Variants in PLEKHH1 observed in about 807,000 individuals in gnomAD.
PLEKHH1 encodes pleckstrin homology domain-containing family H member 1.
In PLEKHH1, 104 loss-of-function variants were observed where a neutral mutation model predicts 160.0. That is an observed-to-expected ratio of 0.65 (90% CI 0.55 to 0.76). The LOEUF is 0.76. Among genes scored for constraint, PLEKHH1 ranks in the 30% least tolerant of loss-of-function variants. PLEKHH1 has a pLI of 0.00. For synonymous variants in PLEKHH1, 619 were observed against 678.4 expected (o/e 0.91, Z 1.36); for missense variants, 1,427 against 1,724.1 (o/e 0.83, Z 3.05).
chr14:67,545,876 A>T (rs913247348), intron 2 of PLEKHH1, among the ~76,000 whole-genome samples: 2 of 152,104 alleles, frequency 1.3e-5, no homozygotes, highest in Non-Finnish European at 2.9e-5. Context: ...CTCATCCCAG[A>T]TCCGTGCTCA....
Position 67,578,694 on chromosome 14 carries a change from G to A in PLEKHH1, c.2849+63G>A. 9.5e-7 allele frequency: 1 copy of A among 1,057,212 alleles called. No homozygotes were observed. Among genetic ancestry groups the A allele is most frequent in the Non-Finnish European group, 1.4e-6 (1 of 695,334 alleles). 65.5% of individuals were successfully genotyped at this position (1,057,212 alleles called of 1,614,324 possible). A position where few individuals can be genotyped will look rare whatever the true frequency, so the allele number is the denominator to read the frequency against. ...CTGCCAACTGCCGCATGAATAAGAG[G>A]GATGAGAGGAGTCTAGGGCAGACCA... On this transcript the variant is annotated intron_variant, in intron 20 of 28. Coordinates refer to ENST00000329153, the MANE Select transcript of PLEKHH1 (RefSeq NM_020715.3). The surrounding 1 kb of genome is among the most constrained non-coding windows in gnomAD (Gnocchi z 5.0).
chr14:67,581,131 G>T (rs762945510), intron 23 of PLEKHH1, 93 bp downstream of exon 23: 218 of 794,476 alleles, frequency 2.7e-4, no homozygotes, highest in Non-Finnish European at 4.5e-4. Flanking sequence ...TATCCAGACG[G>T]GGGGAGGGAC....
At position 67,572,236 on chromosome 14, in the gene PLEKHH1, C is replaced by T. The variant is rs777068194; in HGVS notation, c.1687C>T (p.Arg563Cys). 12 of 1,607,986 alleles carry T rather than the reference C, an allele frequency of 7.5e-6. No individual in the cohort carries two copies. The highest frequency in any genetic ancestry group is 4.0e-5 in the African/African-American group (3 of 74,778). The part of the protein sequence containing the change: ...DYSEPEHKLQ[R>C]TSSYSTDGLG... ...CTCAGAGCCTGAGCACAAACTGCAG[C>T]GCACCTCATCCTACTCCACCGACGG... The change falls in exon 11 of 29, where the codon CGC (arginine) becomes TGC (cysteine). Residue 563 changes from arginine (R) to cysteine (C), a missense_variant. Physicochemically the swap from Arg to Cys is radical, Grantham distance 180 (BLOSUM62 -3). Around this residue, in one of 6 missense-constraint regions of PLEKHH1, gnomAD observed 831 missense variants for 929.2 expected, o/e 0.89. Transcript: ENST00000329153.
In PLEKHH1 at chr14:67,569,799, C is replaced by A. The variant is rs916549461; in HGVS notation, c.1343-122C>A. On this transcript the variant is annotated intron_variant, in intron 8 of 28. Transcript: ENST00000329153. ...GAAGATGAACAGGGCCCTGGCCCCCCTCTTGAGATCTGTCACTGGCCTGCT... is the reference window on the plus strand; with the variant it reads ...GAAGATGAACAGGGCCCTGGCCCCCATCTTGAGATCTGTCACTGGCCTGCT... 5.5e-5 allele frequency: 38 copies of A among 692,662 alleles called. 1 individual carries two copies. Among genetic ancestry groups the A allele is most frequent in the Non-Finnish European group, 4.2e-5 (16 of 378,114 alleles). The allele number at this position is 692,662 out of a possible 1,614,324, so 42.9% of individuals were successfully genotyped here.
intron 7 of PLEKHH1, among the ~76,000 whole-genome samples, chr14:67,565,992 C>T (rs1197524917): frequency 3.9e-5 from 6 of 152,232 alleles, no homozygotes; most frequent in East Asian, 3.9e-4. Context: ...TGGTGGTGCA[C>T]GCCTATAGTC....
chr14:67,585,081 C>T (rs935304663), intron 26 of PLEKHH1: 1 of 154,364 alleles, frequency 6.5e-6, no homozygotes, highest in African/African-American at 2.4e-5. Flanking sequence ...ACTGATAGGG[C>T]CTAAAGCCAC....
At chr14:67,580,121 C>G (rs1028016922) in intron 22 of PLEKHH1, 20 of 449,034 alleles carry the variant, frequency 4.5e-5, no homozygotes, top group Non-Finnish European at 7.3e-5. Context: ...AGTGGCTGTG[C>G]AGCGTCCAGA....
chr14:67,586,990 C>T (rs1380925610), intron 28 of PLEKHH1, 84 bp from the exon 29 acceptor site: 2 of 1,530,002 alleles, frequency 1.3e-6, no homozygotes, highest in East Asian at 2.5e-5. Context: ...GGCCCAGGAA[C>T]TCAGCATAAG....
chr14:67,577,063 C>CA (rs958306422), intron 17 of PLEKHH1, among the ~76,000 whole-genome samples: 3 of 152,210 alleles, frequency 2.0e-5, no homozygotes, highest in African/African-American at 7.2e-5. Context: ...CAGACACCCA[C>CA]AACCTTGCAC....
chr14:67,572,389 C>G, intron 11 of PLEKHH1, 112 bp downstream of exon 11: 1 of 294,410 alleles, frequency 3.4e-6, no homozygotes, highest in South Asian at 3.7e-5. Context: ...GTCCCTAGAG[C>G]TGGGGGATGG....
chr14:67,574,441 C>T lies in PLEKHH1; in HGVS notation c.2088+38C>T, dbSNP rs2035532203. ...GCTGATAGGGCAGGAACATGTGCCT[C>T]CTGCGAATCAGGGGAGCCAGGATTG... is the stretch of plus-strand genomic sequence containing the variant. On this transcript the variant is annotated intron_variant, in intron 14 of 28. Transcript: ENST00000329153. The surrounding 1 kb of genome is among the most constrained non-coding windows in gnomAD (Gnocchi z 4.2). The T allele has an allele frequency of 2.8e-6, 4 of 1,442,144 alleles. No homozygotes were observed. Among genetic ancestry groups the T allele is most frequent in the Non-Finnish European group, 3.7e-6 (4 of 1,089,416 alleles). 89.3% of individuals were successfully genotyped at this position (1,442,144 alleles called of 1,614,324 possible).
intron 14 of PLEKHH1, among the ~76,000 whole-genome samples, chr14:67,575,052 C>G (rs1219730736): frequency 2.6e-5 from 4 of 152,194 alleles, no homozygotes; most frequent in African/African-American, 9.6e-5. Flanking sequence ...CTTCAGCCTG[C>G]TGTTTTCCCT....
chr14:67,571,306 GTTTTT>G (rs957900748), intron 9 of PLEKHH1: 2 of 165,202 alleles, frequency 1.2e-5, no homozygotes, highest in African/African-American at 4.8e-5. Flanking sequence ...ACACACTAGA[GTTTTT>G]TCCCCCATCT....
intron 11 of PLEKHH1, 31 bp downstream of exon 11, chr14:67,572,308 GA>G (rs1388006479): frequency 1.3e-6 from 2 of 1,547,728 alleles, no homozygotes; most frequent in Admixed American, 3.8e-5. Context: ...GGGCAGGGTG[GA>G]AGCAGAATGC....
intron 4 of PLEKHH1, among the ~76,000 whole-genome samples, chr14:67,557,861 G>A (rs989986475): frequency 2.5e-4 from 38 of 152,188 alleles, no homozygotes; most frequent in Admixed American, 7.9e-4. Flanking sequence ...TGGCCTTGTC[G>A]TGCCCTGCCA....
intron 4 of PLEKHH1, 76 bp from the exon 5 acceptor site, chr14:67,559,532 T>C (rs1347346317): frequency 9.8e-7 from 1 of 1,023,652 alleles, no homozygotes; most frequent in Non-Finnish European, 1.5e-6. Context: ...TTGGCCTTTC[T>C]TGGGGTTTCC....
chr14:67,542,067 G>A lies in PLEKHH1; in HGVS notation c.126+74G>A, dbSNP rs1055275990. On this transcript the variant is annotated intron_variant, in intron 2 of 28. Transcript: ENST00000329153. ...GGCAGGGAGGGCCGTGTGAGAGAGG[G>A]AGAGTTGCGGAAAGTCAACTTTCAG... 2.4e-5 allele frequency: 33 copies of A among 1,362,046 alleles called. No individual in the cohort carries two copies. The Middle Eastern group carries it at 6.9e-4, about 29-fold the overall frequency. The allele number at this position is 1,362,046 out of a possible 1,614,324, so 84.4% of individuals were successfully genotyped here. A position where few individuals can be genotyped will look rare whatever the true frequency, so the allele number is the denominator to read the frequency against.
At chr14:67,549,567 G>A (rs540670983) in intron 2 of PLEKHH1, among the ~76,000 whole-genome samples, 163 of 152,172 alleles carry the variant, frequency 1.1e-3, no homozygotes, top group African/African-American at 3.6e-3. Flanking sequence ...CACTGCTCCC[G>A]GCCTTAAATT....
intron 2 of PLEKHH1, among the ~76,000 whole-genome samples, chr14:67,544,411 A>C (rs2034096546): frequency 6.6e-6 from 1 of 152,214 alleles, no homozygotes; most frequent in South Asian, 2.1e-4. Context: ...ACAAGACCTC[A>C]ATTCAGATCA....
Sources: allele counts gnomAD v4.1 joint callset (sites outside exome capture counted in the v4.1 genomes callset), GRCh38; gene constraint gnomAD v4.1.1; regional missense constraint gnomAD v4.1.1; non-coding constraint Gnocchi (gnomAD v3.1); transcripts MANE v1.5; gene names NCBI Gene and HGNC (gene_info 2026-07-23, HGNC 2026-07-21).